The following MUC5B variants were observed in gnomAD, a reference collection of about 807,000 sequenced individuals.
MUC5B encodes the protein mucin 5B, oligomeric mucus/gel-forming.
MUC5B carries 116 observed loss-of-function variants against 376.9 expected under a neutral mutation model. The ratio of observed to expected loss-of-function variants is 0.31; its 90% confidence interval spans 0.26 to 0.36. The LOEUF is 0.36. Ranked by LOEUF, MUC5B falls within the 10% of genes least tolerant of loss-of-function variation. The probability of loss-of-function intolerance (pLI) is 1.00; values close to 1 mark genes in which losing one functional copy is unlikely to be tolerated. For missense variants in MUC5B, 7,165 were observed against 7,769.9 expected (o/e 0.92, Z 2.93); for synonymous variants, 3,517 against 3,390.9 (o/e 1.04, Z -1.29).
At position 1,254,680 on chromosome 11, in the gene MUC5B, C is replaced by G; in HGVS notation, c.15478-14C>G. ...CACTGCCTCCCAGCTCAGGGTTCCC[C>G]TGGATTCCCCCAGATCCTGTTTGAC... On this transcript the variant is annotated splice_polypyrimidine_tract_variant and intron_variant, in intron 34 of 48. Coordinates refer to ENST00000529681, the MANE Select transcript of MUC5B (RefSeq NM_002458.3). The G allele has an allele frequency of 2.5e-6, 4 of 1,607,796 alleles. No homozygotes were observed. Among genetic ancestry groups the G allele is most frequent in the Non-Finnish European group, 3.4e-6 (4 of 1,176,092 alleles).
intron 26 of MUC5B, 72 bp downstream of exon 26, chr11:1,239,099 G>A (rs767670949): frequency 1.1e-5 from 17 of 1,514,612 alleles, no homozygotes; most frequent in Middle Eastern, 1.7e-4. Context: ...GGCAGCCTCC[G>A]AAGGTGCATT....
chr11:1,251,273 C>A lies in MUC5B; in HGVS notation c.14393C>A (p.Thr4798Asn). Residue 4798 changes from threonine (T) to asparagine (N), a missense_variant, in exon 31 of 49, where the codon ACC becomes AAC. Thr to Asn is a moderately conservative substitution (Grantham distance 65, BLOSUM62 0). Around this residue, in one of 31 missense-constraint regions of MUC5B, gnomAD observed 730 missense variants for 592.7 expected, o/e 1.23. Transcript: ENST00000529681. ...HTSTVLTTTA[T>N]MTRATNSTAT... ...TCCACAGTGCTGACCACCACAGCCACCATGACAAGGGCCACCAATTCCACG... is the reference window on the plus strand; with the variant it reads ...TCCACAGTGCTGACCACCACAGCCAACATGACAAGGGCCACCAATTCCACG... 6.2e-7 allele frequency: 1 copy of A among 1,611,566 alleles called. No homozygotes were observed. The highest frequency in any genetic ancestry group is 1.1e-5 in the South Asian group (1 of 91,040).
Position 1,242,986 on chromosome 11 carries a change from G to T in MUC5B, c.6106G>T (p.Val2036Leu). ...TATTTGATGSVATPSSTPGTA... is the reference protein window; with the variant it reads ...TATTTGATGSLATPSSTPGTA... ...CACCACAACTGGGGCCACCGGCTCT[G>T]TGGCCACCCCCTCCTCCACCCCAGG... Residue 2036 changes from valine (V) to leucine (L), a missense_variant, in exon 31 of 49, where the codon GTG (valine) becomes TTG (leucine). Physicochemically the swap from Val to Leu is conservative, Grantham distance 32. Coordinates refer to ENST00000529681, the MANE Select transcript of MUC5B (RefSeq NM_002458.3). The T allele has an allele frequency of 6.2e-7, 1 of 1,609,904 alleles. No individual in the cohort carries two copies. The highest frequency in any genetic ancestry group is 2.2e-5 in the East Asian group (1 of 44,600).
At chr11:1,230,716 C>A in intron 12 of MUC5B, 116 bp downstream of exon 12, 1 of 1,010,044 alleles carries the variant, frequency 9.9e-7, no homozygotes, top group South Asian at 1.6e-5. Context: ...CCTCCAGCCC[C>A]CAGGCCAGGT....
chr11:1,250,160 C>A lies in MUC5B; in HGVS notation c.13280C>A (p.Thr4427Lys), dbSNP rs1166756299. ...TGGATCCTCACAGAGCTGACCACAACAGCCACTACGACTGCGTCCACTGGA... is the reference window on the plus strand; with the variant it reads ...TGGATCCTCACAGAGCTGACCACAAAAGCCACTACGACTGCGTCCACTGGA... ...TTWILTELTT[T>K]ATTTASTGST... Residue 4427 changes from threonine to lysine, a missense_variant, in exon 31 of 49, where the codon ACA becomes AAA. This residue lies in a region of MUC5B where 431 missense variants were observed against 390.4 expected (regional missense o/e 1.10). Coordinates refer to ENST00000529681, the MANE Select transcript of MUC5B (RefSeq NM_002458.3). 2 of 1,594,240 alleles carry A rather than the reference C, an allele frequency of 1.3e-6. No homozygotes were observed. The highest frequency in any genetic ancestry group is 1.7e-6 in the Non-Finnish European group (2 of 1,163,264).
intron 23 of MUC5B, 92 bp downstream of exon 23, chr11:1,235,505 G>A: frequency 1.8e-6 from 2 of 1,113,906 alleles, no homozygotes; most frequent in Non-Finnish European, 2.7e-6. Context: ...TGCACCCACA[G>A]GTTCTCAGCA....
chr11:1,248,570 C>T lies in MUC5B; in HGVS notation c.11690C>T (p.Pro3897Leu), dbSNP rs772881281. The change falls in exon 31 of 49, where the codon CCC (proline) becomes CTC (leucine). Residue 3897 changes from proline to leucine, a missense_variant. Physicochemically the swap from Pro to Leu is moderately conservative, Grantham distance 98. Coordinates refer to ENST00000529681, the MANE Select transcript of MUC5B (RefSeq NM_002458.3). ...PPVWISTTTT[P>L]TTSGSTVTPS... ...GTGTGGATCAGCACAACCACCACAC[C>T]CACAACCAGTGGCTCCACGGTGACC... 6.2e-7 allele frequency: 1 copy of T among 1,613,064 alleles called. No homozygotes were observed. The highest frequency in any genetic ancestry group is 1.1e-5 in the South Asian group (1 of 91,044).
In MUC5B at chr11:1,244,793, C is replaced by A; in HGVS notation, c.7913C>A (p.Thr2638Asn). 1 of 1,612,566 alleles carries A rather than the reference C, an allele frequency of 6.2e-7. No homozygotes were observed. Among genetic ancestry groups the A allele is most frequent in the Non-Finnish European group, 8.5e-7 (1 of 1,178,982 alleles). ...RTLPVWISTT[T>N]TPTTRGSTVT... ...CTTCCAGTGTGGATCAGCACAACCA[C>A]CACACCCACAACCAGAGGTTCCACG... Residue 2638 changes from threonine to asparagine, a missense_variant, in exon 31 of 49, where the codon ACC becomes AAC. Thr to Asn is a moderately conservative substitution (Grantham distance 65). Around this residue, in one of 31 missense-constraint regions of MUC5B, gnomAD observed 141 missense variants for 111.2 expected, o/e 1.27. Coordinates refer to ENST00000529681, the MANE Select transcript of MUC5B (RefSeq NM_002458.3).
In MUC5B at chr11:1,253,007, AC is replaced by A; in HGVS notation, c.15217+31del. On this transcript the variant is annotated intron_variant, in intron 33 of 48. Coordinates refer to ENST00000529681, the MANE Select transcript of MUC5B (RefSeq NM_002458.3). The surrounding 1 kb of genome is among the most constrained non-coding windows in gnomAD (Gnocchi z 4.3). The stretch of plus-strand genomic sequence containing the variant: ...TGAGTGCGTCGGTGGCCGCGGGATT[AC>A]CCCGGGGGCAGGTGGAGCAGAGTGC... The A allele has an allele frequency of 2.5e-6, 4 of 1,601,482 alleles. No homozygotes were observed. The highest frequency in any genetic ancestry group is 3.4e-6 in the Non-Finnish European group (4 of 1,174,218).
In MUC5B at chr11:1,234,468, G is replaced by C; in HGVS notation, c.2479-61G>C. The stretch of plus-strand genomic sequence containing the variant: ...CTGCTGGGTGCGCCTGTCCCAGAGG[G>C]TGAGTGACATCTGCCCACCCTGGTG... On this transcript the variant is annotated intron_variant, in intron 20 of 48. Coordinates refer to ENST00000529681, the MANE Select transcript of MUC5B (RefSeq NM_002458.3). This position sits in a 1 kb window ranked among gnomAD's most constrained non-coding sequence, Gnocchi z 6.3. 6.5e-7 allele frequency: 1 copy of C among 1,543,808 alleles called. No individual in the cohort carries two copies. The highest frequency in any genetic ancestry group is 8.7e-7 in the Non-Finnish European group (1 of 1,143,032).
chr11:1,241,820 C>T lies in MUC5B; in HGVS notation c.4940C>T (p.Thr1647Ile). The change falls in exon 31 of 49, where the codon ACC becomes ATC. Residue 1647 changes from threonine (T) to isoleucine (I), a missense_variant. By Grantham distance (89) the Thr-to-Ile change is moderately conservative. Coordinates refer to ENST00000529681, the MANE Select transcript of MUC5B (RefSeq NM_002458.3). Reference sequence around the variant, plus strand: ...CTGACCAGGGCTCCCCCGGCCAGCACCACAGCAGTCCCCACCCTCTCAGAA... The same window carrying T: ...CTGACCAGGGCTCCCCCGGCCAGCATCACAGCAGTCCCCACCCTCTCAGAA... ...PGLTRAPPAS[T>I]TAVPTLSEGL... 2 of 1,613,178 alleles carry T rather than the reference C, an allele frequency of 1.2e-6. No individual in the cohort carries two copies. The highest frequency in any genetic ancestry group is 1.6e-4 in the Middle Eastern group (1 of 6,062).
At chr11:1,254,424 G>C in intron 34 of MUC5B, 73 bp downstream of exon 34, 1 of 1,560,676 alleles carries the variant, frequency 6.4e-7, no homozygotes, top group Non-Finnish European at 8.6e-7. Flanking sequence ...CTGCAGGCCG[G>C]GGTGACCCAG....
Position 1,231,001 on chromosome 11 carries a change from G to C in MUC5B, c.1536G>C (p.Ser512=). 2.5e-6 allele frequency: 4 copies of C among 1,592,274 alleles called. No homozygotes were observed. The highest frequency in any genetic ancestry group is 3.4e-6 in the Non-Finnish European group (4 of 1,170,616). ...CCATCTACACGCAGCTGCCCCTGTC[G>C]GCAGGTATGTGGCTCTCCCAGGACG... is the stretch of plus-strand genomic sequence containing the variant. The part of the protein sequence containing the change: ...LNSIYTQLPL[S]AANITLFTPS... Residue 512 remains serine, a synonymous_variant, in exon 13 of 49, where the codon TCG becomes TCC. Transcript: ENST00000529681.
In MUC5B at chr11:1,243,277, C is replaced by G; in HGVS notation, c.6397C>G (p.Leu2133Val). The change falls in exon 31 of 49, where the codon CTG becomes GTG. Residue 2133 changes from leucine to valine, a missense_variant. Coordinates refer to ENST00000529681, the MANE Select transcript of MUC5B (RefSeq NM_002458.3). ...STQTSGTPPS[L>V]TTTATTITAT... ...ACAGACCAGTGGTACTCCCCCATCA[C>G]TGACCACCACGGCCACTACGATCAC... 6.4e-7 allele frequency: 1 copy of G among 1,555,616 alleles called. No individual in the cohort carries two copies. Among genetic ancestry groups the G allele is most frequent in the Non-Finnish European group, 8.7e-7 (1 of 1,149,506 alleles).
At chr11:1,251,856 A>G in intron 31 of MUC5B, 113 bp downstream of exon 31, 1 of 798,828 alleles carries the variant, frequency 1.3e-6, no homozygotes, top group Non-Finnish European at 2.0e-6. Context: ...TTTGTTCCCC[A>G]CTGGCCTCAC....
rs368046202 is a variant in MUC5B, at chr11:1,242,886, G to A, written c.6006G>A (p.Thr2002=). 3.4e-4 allele frequency: 555 copies of A among 1,612,060 alleles called. 3 individuals carry two copies. The African/African-American group carries it at 6.8e-3, about 20-fold the overall frequency. Residue 2002 remains threonine, a synonymous_variant, in exon 31 of 49, where the codon ACG becomes ACA. Coordinates refer to ENST00000529681, the MANE Select transcript of MUC5B (RefSeq NM_002458.3). ...WTRLSQTTTP[T]ATMSTATPSS... is the part of the protein sequence containing the mutation. ...GCCTATCACAGACCACCACACCCAC[G>A]GCCACCATGTCCACAGCCACACCCT...
chr11:1,235,255 C>T (rs369816387), intron 22 of MUC5B, 32 bp downstream of exon 22: 18 of 1,610,814 alleles, frequency 1.1e-5, no homozygotes, highest in African/African-American at 4.0e-5. Context: ...TCCTGCAGGC[C>T]GGGCACACTC....
chr11:1,233,949 T>G (rs1862098721), intron 19 of MUC5B, 101 bp downstream of exon 19: 1 of 1,137,858 alleles, frequency 8.8e-7, no homozygotes, highest in African/African-American at 1.6e-5. Context: ...ACCTGAACCC[T>G]GCCGGGCCAG....
In MUC5B at chr11:1,245,806, G is replaced by T; in HGVS notation, c.8926G>T (p.Ala2976Ser). 2 of 1,613,174 alleles carry T rather than the reference G, an allele frequency of 1.2e-6. No homozygotes were observed. The highest frequency in any genetic ancestry group is 1.7e-6 in the Non-Finnish European group (2 of 1,179,752). Residue 2976 changes from alanine to serine, a missense_variant, in exon 31 of 49, where the codon GCC becomes TCC. By Grantham distance (99) the Ala-to-Ser change is moderately conservative. Around this residue, in one of 31 missense-constraint regions of MUC5B, gnomAD observed 939 missense variants for 770.6 expected, o/e 1.22. Transcript: ENST00000529681. ...CTACGGCCACTGCCCCAGCACCCCG[G>T]CCACCAGCTCTACGGCCACGCCCTC... The part of the protein sequence containing the change: ...CNYGHCPSTP[A>S]TSSTATPSST...
Sources: gnomAD v4.1 joint callset for allele counts on GRCh38, gnomAD v4.1.1 for gene constraint, gnomAD v4.1.1 regional missense constraint, Gnocchi (gnomAD v3.1) non-coding constraint, MANE v1.5 for transcripts, NCBI Gene and HGNC (gene_info 2026-07-23, HGNC 2026-07-21) for gene names.